The following LINGO2 variants were observed in gnomAD, a reference collection of about 807,000 sequenced individuals.
LINGO2 encodes leucine rich repeat and Ig domain containing 2.
LINGO2 carries 14 observed loss-of-function variants against 30.6 expected under a neutral mutation model. That is an observed-to-expected ratio of 0.46 (90% CI 0.30 to 0.72). LINGO2 has a LOEUF of 0.72. Ranked by LOEUF, LINGO2 falls within the 30% of genes least tolerant of loss-of-function variation. LINGO2 has a pLI of 0.07. For missense variants in LINGO2, 729 were observed against 751.7 expected, an observed-to-expected ratio of 0.97 and a Z score of 0.35; for synonymous variants, 317 against 288.5, an observed-to-expected ratio of 1.10 and a Z score of -1.00.
intron 4 of LINGO2, among the ~76,000 whole-genome samples, chr9:28,250,661 C>T (rs139843000): frequency 0.017 from 2,607 of 152,290 alleles, 45 homozygotes; most frequent in Non-Finnish European, 0.024. Context: ...GAGGCTATAA[C>T]AAAGCACCCT....
the LINGO2 span, among the ~76,000 whole-genome samples, chr9:28,929,184 G>A: frequency 6.4e-4 from 97 of 152,188 alleles, no homozygotes; most frequent in Non-Finnish European, 1.2e-3. Flanking sequence ...CACGTGGGTT[G>A]CCTGCTCCAC....
Position 27,986,729 on chromosome 9 carries a change from A to T in LINGO2, c.-36+25626T>A, listed in dbSNP as rs79785942. 4.5e-4 allele frequency among the ~76,000 whole-genome samples: 68 copies of T among 151,938 alleles called. 1 individual carries two copies. The East Asian group carries it at 9.9e-3, about 22-fold the overall frequency. ...CTTTCTCCTTAAAGGCTGTAAAACT[A>T]GTTTCCTAAAGATGTAGAGGTATAC... On this transcript the variant is annotated intron_variant, in intron 5 of 5. Transcript: ENST00000379992.
chr9:28,673,106 A>C (rs1205775330), upstream of LINGO2, among the ~76,000 whole-genome samples: 5 of 152,116 alleles, frequency 3.3e-5, no homozygotes, highest in African/African-American at 1.2e-4. Flanking sequence ...GTATTTTTTA[A>C]AGGGGAGTTT....
At chr9:28,517,559 C>A (rs1275618050) in intron 1 of LINGO2, among the ~76,000 whole-genome samples, 1 of 152,180 alleles carries the variant, frequency 6.6e-6, no homozygotes, top group Admixed American at 6.5e-5. Context: ...ACTGCAAACA[C>A]TCTTAAAAAC....
chr9:28,590,347 C>T (rs978157699), intron 1 of LINGO2, among the ~76,000 whole-genome samples: 3 of 152,148 alleles, frequency 2.0e-5, no homozygotes, highest in African/African-American at 4.8e-5. Context: ...GCAAAAGAAA[C>T]TACCATCAGA....
At chr9:28,761,673 C>A in the LINGO2 span, among the ~76,000 whole-genome samples, 795 of 149,008 alleles carry the variant, frequency 5.3e-3, 17 homozygotes, top group African/African-American at 0.019. Flanking sequence ...AAAATAATAT[C>A]TTATAGTGAT....
chr9:28,561,813 T>C (rs1337461347), intron 1 of LINGO2, among the ~76,000 whole-genome samples: 1 of 137,906 alleles, frequency 7.3e-6, no homozygotes, highest in African/African-American at 2.6e-5. Context: ...AAAAAGACAG[T>C]AGAGAAGGCT....
chr9:28,098,444 C>G (rs548107777), intron 4 of LINGO2, among the ~76,000 whole-genome samples: 12 of 152,288 alleles, frequency 7.9e-5, no homozygotes, highest in Middle Eastern at 6.8e-3. Context: ...TTGTCACTGT[C>G]TGTTTCCTAA....
chr9:28,101,043 T>G (rs1019823363), intron 4 of LINGO2, among the ~76,000 whole-genome samples: 1 of 148,730 alleles, frequency 6.7e-6, no homozygotes, highest in Non-Finnish European at 1.5e-5. Flanking sequence ...AAATTACACA[T>G]TTTTTTTTTC....
chr9:28,135,931 T>C (rs1827504832), intron 4 of LINGO2, among the ~76,000 whole-genome samples: 2 of 152,194 alleles, frequency 1.3e-5, no homozygotes, highest in Non-Finnish European at 2.9e-5. Context: ...TTCCCTTCAC[T>C]GCAATGTAAT....
the LINGO2 span, among the ~76,000 whole-genome samples, chr9:29,000,062 C>A: frequency 6.6e-6 from 1 of 151,916 alleles, no homozygotes. Context: ...TGTTTACATC[C>A]ATGAATGTAT....
the LINGO2 span, among the ~76,000 whole-genome samples, chr9:28,769,164 C>A: frequency 6.6e-6 from 1 of 151,428 alleles, no homozygotes; most frequent in African/African-American, 2.4e-5. Flanking sequence ...AAATATATAG[C>A]CATAAGTATA....
chr9:28,665,775 A>T (rs1390741428), intron 1 of LINGO2, among the ~76,000 whole-genome samples: 1 of 152,160 alleles, frequency 6.6e-6, no homozygotes, highest in African/African-American at 2.4e-5. Context: ...CATATCATTC[A>T]GGCAATCATT....
the LINGO2 span, among the ~76,000 whole-genome samples, chr9:29,062,666 T>C: frequency 6.6e-6 from 1 of 152,048 alleles, no homozygotes; most frequent in Non-Finnish European, 1.5e-5. Context: ...GAATGGTAAT[T>C]GCAGGGAGTA....
chr9:28,565,644 C>T (rs10812843), intron 1 of LINGO2, among the ~76,000 whole-genome samples: 27,356 of 149,184 alleles, frequency 0.18, 2,762 homozygotes, highest in East Asian at 0.34. Flanking sequence ...CTCTGCCTTC[C>T]GGGTTCATGC....
chr9:28,863,859 C>G, the LINGO2 span, among the ~76,000 whole-genome samples: 2 of 152,148 alleles, frequency 1.3e-5, no homozygotes, highest in African/African-American at 4.8e-5. Flanking sequence ...ACAAGAAACA[C>G]TGAACATTTA....
At chr9:28,797,357 TATAGAGAG>T in the LINGO2 span, among the ~76,000 whole-genome samples, 15 of 55,192 alleles carry the variant, frequency 2.7e-4, no homozygotes, top group African/African-American at 5.6e-4. Flanking sequence ...TATATATATA[TATAGAGAG>T]AGAGAGAGAG....
chr9:28,729,154 C>A, the LINGO2 span, among the ~76,000 whole-genome samples: 2 of 152,026 alleles, frequency 1.3e-5, no homozygotes, highest in Admixed American at 1.3e-4. Context: ...TGAAACATGG[C>A]AAGCAGACTA....
chr9:28,832,303 G>A, the LINGO2 span, among the ~76,000 whole-genome samples: 1 of 152,132 alleles, frequency 6.6e-6, no homozygotes, highest in South Asian at 2.1e-4. Context: ...CTTCACTGCT[G>A]ATGACAGTTT....
Sources: allele counts gnomAD v4.1 joint callset (sites outside exome capture counted in the v4.1 genomes callset), GRCh38; gene constraint gnomAD v4.1.1; transcripts MANE v1.5; gene names NCBI Gene and HGNC (gene_info 2026-07-23, HGNC 2026-07-21).